The following MTMR9 variants were observed in gnomAD, a reference collection of about 807,000 sequenced individuals.
MTMR9 encodes the protein myotubularin related protein 9, also known as myotubularin-related protein 9.
MTMR9 carries 39 observed loss-of-function variants against 69.5 expected under a neutral mutation model. The ratio of observed to expected loss-of-function variants is 0.56; its 90% CI spans 0.43 to 0.73. The LOEUF (loss-of-function observed/expected upper bound fraction) is 0.73, where lower values mean the gene tolerates loss of function less well. Ranked by LOEUF, MTMR9 falls within the 30% of genes least tolerant of loss-of-function variation. The pLI, the probability that MTMR9 is intolerant of heterozygous loss-of-function variation, is 0.00. For missense variants in MTMR9, 900 were observed against 671.2 expected (o/e 1.34, Z -3.77); for synonymous variants, 354 against 240.8 (o/e 1.47, Z -4.35).
chr8:11,327,797 A>G lies in MTMR9; in HGVS notation c.*5009A>G, dbSNP rs910297839. 3 of 152,638 alleles carry G rather than the reference A, an allele frequency of 2.0e-5. No homozygotes were observed. The highest frequency in any genetic ancestry group is 2.0e-4 in the Admixed American group (3 of 15,282). The allele number at this position is 152,638 out of a possible 1,614,324, so 9.5% of individuals were successfully genotyped here. Reference sequence around the variant, plus strand: ...AGAGTGCTGTAAGGTACAGGTTTCCATATTGTGAACCTGTGTACGCACACA... The same window carrying G: ...AGAGTGCTGTAAGGTACAGGTTTCCGTATTGTGAACCTGTGTACGCACACA... On this transcript the variant is annotated 3_prime_UTR_variant, in exon 10 of 10. Transcript: ENST00000221086.
chr8:11,317,202 G>T (rs1179867785), intron 8 of MTMR9: 2 of 174,736 alleles, frequency 1.1e-5, no homozygotes, highest in Non-Finnish European at 2.4e-5. Context: ...TTATAATTCA[G>T]GTCTTCCCTC....
intron 3 of MTMR9, among the ~76,000 whole-genome samples, chr8:11,302,610 A>G (rs1318618227): frequency 6.6e-6 from 1 of 152,206 alleles, no homozygotes; most frequent in African/African-American, 2.4e-5. Context: ...GATGGGTACC[A>G]AAACCAAAAA....
At chr8:11,311,281 A>G (rs964289221) in intron 6 of MTMR9, among the ~76,000 whole-genome samples, 1 of 152,218 alleles carries the variant, frequency 6.6e-6, no homozygotes, top group Non-Finnish European at 1.5e-5. Flanking sequence ...ACAGAAGACA[A>G]AAAGCTAAGT....
chr8:11,285,259 C>G, intron 1 of MTMR9, 189 bp downstream of exon 1: 2 of 562,312 alleles, frequency 3.6e-6, no homozygotes, highest in Non-Finnish European at 6.2e-6. Flanking sequence ...TTCCATTAAA[C>G]CTGGATGGAG....
downstream of MTMR9, among the ~76,000 whole-genome samples, chr8:11,329,964 C>T (rs867621017): frequency 6.6e-6 from 1 of 151,634 alleles, no homozygotes; most frequent in African/African-American, 2.4e-5. Flanking sequence ...CTCTGCCCGG[C>T]CGCCCTGTCT....
intron 4 of MTMR9, among the ~76,000 whole-genome samples, chr8:11,305,518 G>A (rs990352278): frequency 3.3e-5 from 5 of 152,220 alleles, no homozygotes; most frequent in African/African-American, 4.8e-5. Flanking sequence ...TAATGGTGGC[G>A]TCTTGAAAGA....
At chr8:11,285,375 T>G in intron 1 of MTMR9, 2 of 272,172 alleles carry the variant, frequency 7.3e-6, no homozygotes, top group East Asian at 7.2e-5. Flanking sequence ...CTTCTTCTTC[T>G]TGCCCCATCG....
chr8:11,311,506 G>C (rs551982867), intron 6 of MTMR9, among the ~76,000 whole-genome samples: 4 of 152,292 alleles, frequency 2.6e-5, no homozygotes, highest in African/African-American at 7.2e-5. Flanking sequence ...ATAAAGTTAT[G>C]TTTACACTAT....
the MTMR9 span, among the ~76,000 whole-genome samples, chr8:11,333,538 A>G: frequency 6.6e-6 from 1 of 152,254 alleles, no homozygotes; most frequent in East Asian, 1.9e-4. Flanking sequence ...AGAACACTAG[A>G]CAGTAACTTG....
chr8:11,310,780 A>G (rs1309658756), intron 6 of MTMR9, among the ~76,000 whole-genome samples: 1 of 151,552 alleles, frequency 6.6e-6, no homozygotes, highest in Non-Finnish European at 1.5e-5. Flanking sequence ...TTTTTTATGA[A>G]ACAGGAATTG....
At chr8:11,314,377 A>G (rs1001224007) in intron 6 of MTMR9, among the ~76,000 whole-genome samples, 2 of 151,884 alleles carry the variant, frequency 1.3e-5, no homozygotes, top group Non-Finnish European at 2.9e-5. Context: ...TGACACTTTT[A>G]TGTTTGTTTT....
chr8:11,314,064 C>G (rs1563281539), intron 6 of MTMR9, among the ~76,000 whole-genome samples: 2 of 152,114 alleles, frequency 1.3e-5, no homozygotes, highest in Admixed American at 1.3e-4. Flanking sequence ...TGGAAGGATA[C>G]GAGTGTAGAA....
intron 1 of MTMR9, among the ~76,000 whole-genome samples, chr8:11,287,921 A>G (rs1585104308): frequency 7.8e-6 from 1 of 128,222 alleles, no homozygotes; most frequent in Non-Finnish European, 1.6e-5. Context: ...TATGTATTAT[A>G]TATTATATAA....
intron 2 of MTMR9, among the ~76,000 whole-genome samples, chr8:11,296,019 T>A (rs1799545838): frequency 6.6e-6 from 1 of 152,172 alleles, no homozygotes; most frequent in Non-Finnish European, 1.5e-5. Flanking sequence ...AATATACTAG[T>A]ATATCTTTTG....
At chr8:11,298,975 C>A in intron 2 of MTMR9, 1 of 637,668 alleles carries the variant, frequency 1.6e-6, no homozygotes, top group Non-Finnish European at 2.0e-6. Context: ...ATGGCATATA[C>A]CAGTCTAGGA....
the MTMR9 span, among the ~76,000 whole-genome samples, chr8:11,339,313 T>C: frequency 6.6e-6 from 1 of 152,224 alleles, no homozygotes; most frequent in Non-Finnish European, 1.5e-5. Context: ...CTGGCAAATT[T>C]GTTCTTTTCA....
At chr8:11,312,401 C>A (rs1234532182) in intron 6 of MTMR9, among the ~76,000 whole-genome samples, 2 of 152,078 alleles carry the variant, frequency 1.3e-5, no homozygotes, top group Non-Finnish European at 2.9e-5. Flanking sequence ...AGCTGGAGTG[C>A]AGTGGCACAG....
In MTMR9 at chr8:11,285,404, T is replaced by C. The variant is rs908070001; in HGVS notation, c.182+334T>C. The C allele has an allele frequency of 3.0e-5, 7 of 231,012 alleles. No homozygotes were observed. The Admixed American group carries it at 3.4e-4, about 11-fold the overall frequency. 14.3% of individuals were successfully genotyped at this position (231,012 alleles called of 1,614,324 possible). A position where few individuals can be genotyped will look rare whatever the true frequency, so the allele number is the denominator to read the frequency against. On this transcript the variant is annotated intron_variant, in intron 1 of 9. Coordinates refer to ENST00000221086, the MANE Select transcript of MTMR9 (RefSeq NM_015458.4). Reference sequence around the variant, plus strand: ...CCCATCGTATTCCTTGAATTGGTATTGTCAGTCACCGTTCATGAAGTGATT... The same window carrying C: ...CCCATCGTATTCCTTGAATTGGTATCGTCAGTCACCGTTCATGAAGTGATT...
chr8:11,287,346 T>C (rs1799199591), intron 1 of MTMR9, among the ~76,000 whole-genome samples: 1 of 152,138 alleles, frequency 6.6e-6, no homozygotes, highest in Non-Finnish European at 1.5e-5. Context: ...CTTTTTACCT[T>C]GCATTTACAA....
Sources: gnomAD v4.1 joint callset for allele counts (sites outside exome capture counted in the v4.1 genomes callset) on GRCh38, gnomAD v4.1.1 for gene constraint, MANE v1.5 for transcripts, NCBI Gene and HGNC (gene_info 2026-07-23, HGNC 2026-07-21) for gene names.